The following PPARGC1B variants were observed in gnomAD, a reference collection of about 807,000 sequenced individuals.
The protein encoded by PPARGC1B is PPARG coactivator 1 beta.
Under a neutral mutation model 101.6 loss-of-function variants are expected in PPARGC1B, and 34 were observed. The ratio of observed to expected loss-of-function variants is 0.33; its 90% CI spans 0.25 to 0.45. The LOEUF is 0.45. Among genes scored for constraint, PPARGC1B ranks in the 20% least tolerant of loss-of-function variants. PPARGC1B has a pLI of 1.00. For missense variants in PPARGC1B, 1,234 were observed against 1,317.6 expected, an observed-to-expected ratio of 0.94 and a Z score of 0.98; for synonymous variants, 548 against 539.3, an observed-to-expected ratio of 1.02 and a Z score of -0.22.
intron 1 of PPARGC1B, among the ~76,000 whole-genome samples, chr5:149,767,676 C>T (rs1755962050): frequency 6.6e-6 from 1 of 152,154 alleles, no homozygotes; most frequent in African/African-American, 2.4e-5. Context: ...ACTGAACATT[C>T]TCACTGGGGT....
At chr5:149,796,913 T>C (rs1757239005) in intron 1 of PPARGC1B, among the ~76,000 whole-genome samples, 1 of 152,214 alleles carries the variant, frequency 6.6e-6, no homozygotes, top group African/African-American at 2.4e-5. Context: ...AGGGCTCCTT[T>C]GCAGGCATAG....
chr5:149,755,439 A>G (rs1483821725), intron 1 of PPARGC1B, among the ~76,000 whole-genome samples: 5 of 151,838 alleles, frequency 3.3e-5, no homozygotes, highest in African/African-American at 1.2e-4. Flanking sequence ...CCTAAGAGCC[A>G]ATACTTCAGA....
At chr5:149,737,013 G>T (rs1469074188) in intron 1 of PPARGC1B, among the ~76,000 whole-genome samples, 1 of 152,086 alleles carries the variant, frequency 6.6e-6, no homozygotes, top group African/African-American at 2.4e-5. Flanking sequence ...ATCTACCATG[G>T]TAACATCACA....
At chr5:149,776,700 T>C (rs1279025908) in intron 1 of PPARGC1B, among the ~76,000 whole-genome samples, 1 of 152,180 alleles carries the variant, frequency 6.6e-6, no homozygotes, top group African/African-American at 2.4e-5. Flanking sequence ...AGGCCACCAT[T>C]GTAGTGTAAC....
intron 1 of PPARGC1B, among the ~76,000 whole-genome samples, chr5:149,757,557 C>A (rs10037549): frequency 0.45 from 67,656 of 151,740 alleles, 15,395 homozygotes; most frequent in South Asian, 0.53. Flanking sequence ...AGTAGCCCTG[C>A]CAGCCTGTCC....
intron 10 of PPARGC1B, 108 bp from the exon 11 acceptor site, chr5:149,845,652 G>A: frequency 8.6e-7 from 1 of 1,166,176 alleles, no homozygotes. Context: ...GCCACGTGAT[G>A]TGGGTATCGA....
intron 1 of PPARGC1B, among the ~76,000 whole-genome samples, chr5:149,766,015 T>A (rs184098448): frequency 1.4e-4 from 22 of 152,152 alleles, no homozygotes; most frequent in Admixed American, 3.3e-4. Context: ...TAAGGAGTTT[T>A]AAAAAAAATG....
At chr5:149,841,718 G>T (rs1759343805) in intron 9 of PPARGC1B, among the ~76,000 whole-genome samples, 1 of 152,176 alleles carries the variant, frequency 6.6e-6, no homozygotes, top group South Asian at 2.1e-4. Flanking sequence ...CCTCTGCTAG[G>T]CTGTTCTGGG....
Position 149,836,311 on chromosome 5 carries a change from C to A in PPARGC1B, c.1856C>A (p.Pro619His), listed in dbSNP as rs749810480. ...TPPYKPTEED[P>H]FKPDIKHSLG... ...CCGTACAAGCCCACAGAGGAGGATC[C>A]CTTCAAACCAGACATCAAGCATAGT... is the stretch of plus-strand genomic sequence containing the variant. The change falls in exon 8 of 12, where the codon CCC (proline) becomes CAC (histidine). Residue 619 changes from proline (P) to histidine (H), a missense_variant. Physicochemically the swap from Pro to His is moderately conservative, Grantham distance 77 (BLOSUM62 -2). This residue lies in a region of PPARGC1B where 497 missense variants were observed against 529.5 expected (regional missense o/e 0.94). Coordinates refer to ENST00000309241, the MANE Select transcript of PPARGC1B (RefSeq NM_133263.4). The A allele has an allele frequency of 9.3e-6, 15 of 1,610,768 alleles. No homozygotes were observed. The East Asian group carries it at 2.7e-4, about 29-fold the overall frequency.
chr5:149,805,051 CTGCCCCT>C (rs1757550123), intron 1 of PPARGC1B, among the ~76,000 whole-genome samples: 3 of 152,220 alleles, frequency 2.0e-5, no homozygotes, highest in Admixed American at 2.0e-4. Context: ...TGGGCAAGCC[CTGCCCCT>C]CTTGATGGGA....
rs888162243 is a variant in PPARGC1B at position 149,832,428 on chromosome 5, T to G, written c.583-228T>G. Among the ~76,000 whole-genome samples, 1 of 152,044 alleles carries G rather than the reference T, an allele frequency of 6.6e-6. No homozygotes were observed. Among genetic ancestry groups the G allele is most frequent in the Non-Finnish European group, 1.5e-5 (1 of 67,996 alleles). On this transcript the variant is annotated intron_variant, in intron 4 of 11. Coordinates refer to ENST00000309241, the MANE Select transcript of PPARGC1B (RefSeq NM_133263.4). The surrounding 1 kb of genome is among the most constrained non-coding windows in gnomAD (Gnocchi z 4.9). ...CTGGAAGGGTCTGCAGGGGCGAAATTCCATGGCTGGGAGAGCTGTTAGGAG... is the reference window on the plus strand; with the variant it reads ...CTGGAAGGGTCTGCAGGGGCGAAATGCCATGGCTGGGAGAGCTGTTAGGAG...
At chr5:149,855,844 C>T (rs529369395), downstream of PPARGC1B, among the ~76,000 whole-genome samples, 1 of 152,226 alleles carries the variant, frequency 6.6e-6, no homozygotes, top group African/African-American at 2.4e-5. Flanking sequence ...AGGCTGGGCG[C>T]GGTGGCTCGC....
intron 1 of PPARGC1B, among the ~76,000 whole-genome samples, chr5:149,746,270 C>T (rs1446460432): frequency 2.0e-5 from 3 of 152,212 alleles, no homozygotes; most frequent in Non-Finnish European, 4.4e-5. Flanking sequence ...TGTCAGGTGT[C>T]ATCTCCTCAA....
At chr5:149,732,857 T>C (rs1372177518) in intron 1 of PPARGC1B, 1 of 477,512 alleles carries the variant, frequency 2.1e-6, no homozygotes, top group South Asian at 1.5e-5. Context: ...GTGTGTTACC[T>C]AGAAATAGCA....
chr5:149,809,115 T>TTAGATAGATAGATAGATAGATAGA (rs10635808), intron 1 of PPARGC1B, among the ~76,000 whole-genome samples: 1 of 84,096 alleles, frequency 1.2e-5, no homozygotes, highest in Non-Finnish European at 2.3e-5. Context: ...TATCTCCACC[T>TTAGATAGATAGATAGATAGATAGA]TAGATAGATA....
intron 1 of PPARGC1B, among the ~76,000 whole-genome samples, chr5:149,815,846 C>T (rs373355248): frequency 1.3e-5 from 2 of 152,312 alleles, no homozygotes; most frequent in East Asian, 3.9e-4. Flanking sequence ...CGCGCCTGTT[C>T]CTAGCAACCT....
chr5:149,768,233 T>C (rs1353532614), intron 1 of PPARGC1B, among the ~76,000 whole-genome samples: 1 of 152,128 alleles, frequency 6.6e-6, no homozygotes, highest in African/African-American at 2.4e-5. Flanking sequence ...ACAAATATAT[T>C]TTTAAGGCCA....
At chr5:149,733,570 C>A (rs116648772) in intron 1 of PPARGC1B, among the ~76,000 whole-genome samples, 1,967 of 152,336 alleles carry the variant, frequency 0.013, 32 homozygotes, top group African/African-American at 0.045. Flanking sequence ...AGGCACCTGT[C>A]AGTATGCTGA....
At chr5:149,736,941 C>T (rs535901942) in intron 1 of PPARGC1B, among the ~76,000 whole-genome samples, 120 of 152,240 alleles carry the variant, frequency 7.9e-4, no homozygotes, top group Non-Finnish European at 1.3e-3. Context: ...ATTGCCACCC[C>T]AGAGTCTGTA....
Sources: gnomAD v4.1 joint callset for allele counts (sites outside exome capture counted in the v4.1 genomes callset) on GRCh38, gnomAD v4.1.1 for gene constraint, gnomAD v4.1.1 regional missense constraint, Gnocchi (gnomAD v3.1) non-coding constraint, MANE v1.5 for transcripts, NCBI Gene and HGNC (gene_info 2026-07-23, HGNC 2026-07-21) for gene names.